The following SYPL2 variants were observed in gnomAD, a reference collection of about 807,000 sequenced individuals.
SYPL2 encodes synaptophysin-like protein 2.
Under a neutral mutation model 31.3 loss-of-function variants are expected in SYPL2, and 24 were observed. The ratio of observed to expected loss-of-function variants is 0.77; its 90% CI spans 0.56 to 1.08. The LOEUF (loss-of-function observed/expected upper bound fraction) is 1.08. SYPL2 is among the 50% of genes least tolerant of loss of function. SYPL2 has a pLI of 0.00. For missense variants in SYPL2, 342 were observed against 360.1 expected (o/e 0.95, Z 0.41); for synonymous variants, 144 against 143.1 (o/e 1.01, Z -0.05).
chr1:109,477,798 C>T lies in SYPL2; in HGVS notation c.457-20C>T, dbSNP rs369435158. The stretch of plus-strand genomic sequence containing the variant: ...ATGGGGCCTTTCTGAGTGTATTTCC[C>T]ATCCCTCTGCTCCTCCCAGGACTTC... On this transcript the variant is annotated intron_variant, in intron 4 of 5. Transcript: ENST00000369872. 58 of 1,577,048 alleles carry T rather than the reference C, an allele frequency of 3.7e-5. No individual in the cohort carries two copies. In the African/African-American group the frequency reaches 7.3e-4, roughly 20 times the overall value.
intron 1 of SYPL2, 81 bp downstream of exon 1, chr1:109,466,978 G>C (rs1655660641): frequency 1.3e-6 from 2 of 1,536,012 alleles, no homozygotes; most frequent in African/African-American, 2.7e-5. Flanking sequence ...CCCCTGGACC[G>C]CGTGTGAGTG....
intron 2 of SYPL2, among the ~76,000 whole-genome samples, chr1:109,468,506 T>C (rs1395251880): frequency 1.3e-5 from 2 of 152,218 alleles, no homozygotes; most frequent in African/African-American, 4.8e-5. Flanking sequence ...CAATTGCTGA[T>C]TGAGCTCTTT....
rs1655665856 is a variant in SYPL2, at chr1:109,467,053, C to G, written c.55-6C>G. ...CCTGACCCCCCGGCCGGCTGTGTCT[C>G]CGCAGGTGGACCGCCTACTCGTGGG... On this transcript the variant is annotated splice_polypyrimidine_tract_variant and splice_region_variant and intron_variant, in intron 1 of 5. Transcript: ENST00000369872. The G allele has an allele frequency of 1.9e-6, 3 of 1,544,522 alleles. No homozygotes were observed. The highest frequency in any genetic ancestry group is 2.6e-6 in the Non-Finnish European group (3 of 1,145,890).
intron 2 of SYPL2, among the ~76,000 whole-genome samples, chr1:109,474,234 T>G (rs1483624168): frequency 6.6e-6 from 1 of 152,062 alleles, no homozygotes; most frequent in East Asian, 1.9e-4. Context: ...CAAAGGTAAG[T>G]GCACAGGAAA....
At chr1:109,475,469 A>T in intron 2 of SYPL2, 112 bp from the exon 3 acceptor site, 2 of 1,410,438 alleles carry the variant, frequency 1.4e-6, no homozygotes, top group Non-Finnish European at 1.9e-6. Context: ...GGGGATCCTC[A>T]CTCTCCCCCA....
chr1:109,470,673 T>G (rs1190373415), intron 2 of SYPL2, among the ~76,000 whole-genome samples: 2 of 152,176 alleles, frequency 1.3e-5, no homozygotes, highest in Non-Finnish European at 2.9e-5. Context: ...AGGGGTGATT[T>G]TAGTTCTTTC....
At chr1:109,470,315 A>G (rs1352692539) in intron 2 of SYPL2, among the ~76,000 whole-genome samples, 1 of 152,202 alleles carries the variant, frequency 6.6e-6, no homozygotes, top group Non-Finnish European at 1.5e-5. Flanking sequence ...CAATGAGATA[A>G]GCGTGGGAGT....
Position 109,476,895 on chromosome 1 carries a change from C to T in SYPL2, c.374C>T (p.Ser125Phe), listed in dbSNP as rs867611083. 2 of 1,614,102 alleles carry T rather than the reference C, an allele frequency of 1.2e-6. No individual in the cohort carries two copies. Among genetic ancestry groups the T allele is most frequent in the South Asian group, 2.2e-5 (2 of 91,094 alleles). ...TTCTTCGTGACCCTTGGCATCTTTT[C>T]CTTCTTCTATACCATGGCTGCCCTA... ...AEFFVTLGIF[S>F]FFYTMAALVI... Residue 125 changes from serine (S) to phenylalanine (F), a missense_variant, in exon 4 of 6, where the codon TCC becomes TTC. By Grantham distance (155) the Ser-to-Phe change is radical. Coordinates refer to ENST00000369872, the MANE Select transcript of SYPL2 (RefSeq NM_001040709.2).
rs1302684829 is a variant in SYPL2 at position 109,480,479 on chromosome 1, A to T, written c.*931A>T. On this transcript the variant is annotated 3_prime_UTR_variant, in exon 6 of 6. Transcript: ENST00000369872. ...TCCCTTCCCCAGCATCGTGCATCTG[A>T]GGCATTTGAGATCCTTTTTGAAGTC... is the stretch of plus-strand genomic sequence containing the variant. 1 of 152,226 alleles carries T rather than the reference A, an allele frequency of 6.6e-6. No homozygotes were observed. Among genetic ancestry groups the T allele is most frequent in the Admixed American group, 6.5e-5 (1 of 15,282 alleles). 9.4% of individuals were successfully genotyped at this position (152,226 alleles called of 1,614,324 possible).
intron 2 of SYPL2, among the ~76,000 whole-genome samples, chr1:109,470,933 G>T (rs147630830): frequency 2.0e-5 from 3 of 152,204 alleles, no homozygotes; most frequent in African/African-American, 7.2e-5. Flanking sequence ...TGTTTGTTTT[G>T]CTATGACGCT....
chr1:109,467,071 C>T lies in SYPL2; in HGVS notation c.67C>T (p.Leu23Phe). 6.5e-7 allele frequency: 1 copy of T among 1,545,466 alleles called. No homozygotes were observed. ...KSPRQQVDRLLVGLRWRRLEE... is the reference protein window; with the variant it reads ...KSPRQQVDRLFVGLRWRRLEE... The stretch of plus-strand genomic sequence containing the variant: ...TGTGTCTCCGCAGGTGGACCGCCTA[C>T]TCGTGGGGCTGCGCTGGCGGCGGCT... Residue 23 changes from leucine (L) to phenylalanine (F), a missense_variant, in exon 2 of 6, where the codon CTC (leucine) becomes TTC (phenylalanine). By Grantham distance (22) the Leu-to-Phe change is conservative. Transcript: ENST00000369872.
At position 109,479,509 on chromosome 1, in the gene SYPL2, G is replaced by A. The variant is rs1302790890; in HGVS notation, c.780G>A (p.Gln260=). 6.2e-7 allele frequency: 1 copy of A among 1,614,218 alleles called. No individual in the cohort carries two copies. The highest frequency in any genetic ancestry group is 1.7e-5 in the Admixed American group (1 of 60,026). Residue 260 remains glutamine (Q), a synonymous_variant, in exon 6 of 6, where the codon CAG becomes CAA. Transcript: ENST00000369872. ...AGGACCAGGGCCAGGGTCCCAGCCA[G>A]GAGAGTGCAGCTGAGCAGGGAGCAG... ...QDQDQGQGPS[Q]ESAAEQGAVE... is the part of the protein sequence containing the mutation.
intron 2 of SYPL2, among the ~76,000 whole-genome samples, chr1:109,473,279 G>A (rs1341626109): frequency 6.6e-6 from 1 of 152,204 alleles, no homozygotes; most frequent in Non-Finnish European, 1.5e-5. Context: ...TTCAGGAGAG[G>A]AGGGTATTTA....
At chr1:109,472,514 G>C (rs1013859015) in intron 2 of SYPL2, among the ~76,000 whole-genome samples, 2 of 151,886 alleles carry the variant, frequency 1.3e-5, no homozygotes, top group Non-Finnish European at 2.9e-5. Flanking sequence ...ATGCTCAGGA[G>C]TGCCTTTCAG....
Position 109,475,631 on chromosome 1 carries a change from A to G in SYPL2, c.180A>G (p.Thr60=), listed in dbSNP as rs376860776. The part of the protein sequence containing the change: ...FGSCGSYSGE[T]GAMVRCNNEA... ...CCTGTGGCTCCTACAGCGGGGAGACAGGAGCAATGGTTCGCTGCAACAACG... is the reference window on the plus strand; with the variant it reads ...CCTGTGGCTCCTACAGCGGGGAGACGGGAGCAATGGTTCGCTGCAACAACG... The change falls in exon 3 of 6, where the codon ACA becomes ACG. Residue 60 remains threonine, a synonymous_variant. Coordinates refer to ENST00000369872, the MANE Select transcript of SYPL2 (RefSeq NM_001040709.2). 229 of 1,614,062 alleles carry G rather than the reference A, an allele frequency of 1.4e-4. No individual in the cohort carries two copies. Among genetic ancestry groups the G allele is most frequent in the Non-Finnish European group, 1.9e-4 (223 of 1,180,028 alleles).
intron 2 of SYPL2, among the ~76,000 whole-genome samples, chr1:109,471,873 CTT>C (rs879691591): frequency 6.8e-6 from 1 of 146,168 alleles, no homozygotes; most frequent in Non-Finnish European, 1.5e-5. Context: ...TGCCCGACTA[CTT>C]TTTTTTTTTG....
At chr1:109,472,188 G>A (rs1655856984) in intron 2 of SYPL2, among the ~76,000 whole-genome samples, 1 of 151,984 alleles carries the variant, frequency 6.6e-6, no homozygotes, top group African/African-American at 2.4e-5. Context: ...CCAGTGGTGT[G>A]ATCATGTAGC....
rs758559809 is a variant in SYPL2 at position 109,479,560 on chromosome 1, C to T, written c.*12C>T. 5.0e-6 allele frequency: 8 copies of T among 1,610,274 alleles called. No homozygotes were observed. The highest frequency in any genetic ancestry group is 1.3e-5 in the African/African-American group (1 of 74,848). ...TGGAGAAGCAGTAAGCAGCCCCCCA[C>T]CTGGCTATTCCCGAACTGGACAGCA... On this transcript the variant is annotated 3_prime_UTR_variant, in exon 6 of 6. Coordinates refer to ENST00000369872, the MANE Select transcript of SYPL2 (RefSeq NM_001040709.2).
In SYPL2 at chr1:109,479,481, A is replaced by G. The variant is rs1268554442; in HGVS notation, c.752A>G (p.Asp251Gly). ...GGCCAGGGCCAGGACCAGGACCAGG[A>G]CCAGGACCAGGGCCAGGGTCCCAGC... ...GQGQGQDQDQ[D>G]QDQGQGPSQE... The change falls in exon 6 of 6, where the codon GAC becomes GGC. Residue 251 changes from aspartate (D) to glycine (G), a missense_variant. By Grantham distance (94) the Asp-to-Gly change is moderately conservative (BLOSUM62 -1). Coordinates refer to ENST00000369872, the MANE Select transcript of SYPL2 (RefSeq NM_001040709.2). The G allele has an allele frequency of 3.1e-6, 5 of 1,613,994 alleles. No homozygotes were observed. The highest frequency in any genetic ancestry group is 4.2e-6 in the Non-Finnish European group (5 of 1,180,004).
Sources: gnomAD v4.1 joint callset for allele counts (sites outside exome capture counted in the v4.1 genomes callset) on GRCh38, gnomAD v4.1.1 for gene constraint, MANE v1.5 for transcripts, NCBI Gene and HGNC (gene_info 2026-07-23, HGNC 2026-07-21) for gene names.